REV3L: variants seen among roughly 807,000 people sequenced by gnomAD.
REV3L encodes DNA polymerase zeta catalytic subunit.
Under a neutral mutation model 299.4 loss-of-function variants are expected in REV3L, and 69 were observed. The ratio of observed to expected loss-of-function variants is 0.23; its 90% CI spans 0.19 to 0.28. The LOEUF is 0.28. Ranked by LOEUF, REV3L falls within the 10% of genes least tolerant of loss-of-function variation. REV3L has a pLI of 1.00. For missense variants in REV3L, 3,128 were observed against 3,693.8 expected (o/e 0.85, Z 3.97); for synonymous variants, 1,238 against 1,271.4 (o/e 0.97, Z 0.56).
intron 18 of REV3L, among the ~76,000 whole-genome samples, chr6:111,352,097 C>G (rs575172983): frequency 6.6e-6 from 1 of 151,958 alleles, no homozygotes; most frequent in South Asian, 2.1e-4. Context: ...ACCTCTGCTT[C>G]CCAGGTTCAA....
intron 10 of REV3L, among the ~76,000 whole-genome samples, chr6:111,380,856 G>A (rs1164019754): frequency 6.6e-6 from 1 of 152,226 alleles, no homozygotes; most frequent in East Asian, 1.9e-4. Flanking sequence ...GGCAGTGGCT[G>A]CAGGAAGCCT....
chr6:111,319,022 A>G (rs1651324425), intron 26 of REV3L, among the ~76,000 whole-genome samples: 1 of 152,200 alleles, frequency 6.6e-6, no homozygotes, highest in South Asian at 2.1e-4. Flanking sequence ...TTAGGGTGAT[A>G]AAAAGTGTTC....
At chr6:111,384,002 A>G (rs1781086618) in intron 9 of REV3L, among the ~76,000 whole-genome samples, 1 of 152,206 alleles carries the variant, frequency 6.6e-6, no homozygotes, top group Non-Finnish European at 1.5e-5. Flanking sequence ...ACCTTGGGGG[A>G]AAGAACAATT....
intron 3 of REV3L, among the ~76,000 whole-genome samples, chr6:111,408,960 C>T (rs1157317019): frequency 2.0e-5 from 3 of 152,184 alleles, no homozygotes; most frequent in African/African-American, 7.2e-5. Flanking sequence ...GCTGGAATTA[C>T]AAGTGTGAGC....
In REV3L at chr6:111,375,883, G is replaced by A; in HGVS notation, c.2472C>T (p.Gly824=). The A allele has an allele frequency of 6.2e-7, 1 of 1,613,872 alleles. No homozygotes were observed. The highest frequency in any genetic ancestry group is 8.5e-7 in the Non-Finnish European group (1 of 1,179,876). The change falls in exon 13 of 32, where the codon GGC becomes GGT. Residue 824 remains glycine, a synonymous_variant. Transcript: ENST00000368802. ...TCAATTTTAACCGGGATGGTTTATT[G>A]CCAGGTTGTAATTTATATGTGACAG... The part of the protein sequence containing the change: ...LSPVTYKLQP[G]NKPSRLKLNK...
intron 1 of REV3L, among the ~76,000 whole-genome samples, chr6:111,464,651 AACT>A (rs1424535216): frequency 6.6e-6 from 1 of 152,180 alleles, no homozygotes; most frequent in African/African-American, 2.4e-5. Context: ...CAATTTAAAA[AACT>A]ACATTTTGGT....
intron 1 of REV3L, among the ~76,000 whole-genome samples, chr6:111,437,954 G>A (rs1172774445): frequency 2.0e-5 from 3 of 152,048 alleles, no homozygotes; most frequent in Non-Finnish European, 4.4e-5. Flanking sequence ...CCTGGCTCTA[G>A]TGATCTTCCT....
chr6:111,376,721 G>T lies in REV3L; in HGVS notation c.1634C>A (p.Ser545Tyr), dbSNP rs1582756590. 1.3e-6 allele frequency: 2 copies of T among 1,598,508 alleles called. No homozygotes were observed. The highest frequency in any genetic ancestry group is 1.7e-6 in the Non-Finnish European group (2 of 1,178,180). Residue 545 changes from serine to tyrosine, a missense_variant, in exon 13 of 32, where the codon TCT (serine) becomes TAT (tyrosine). Coordinates refer to ENST00000368802, the MANE Select transcript of REV3L (RefSeq NM_001372078.1). ...PLNNENSRTH[S>Y]SVIATSKLSV... ...AAGCTTGCTTGTTGCAATTACAGAA[G>T]AGTGGGTTCTAGAATTTTCATTGTT...
chr6:111,436,119 A>C (rs1787518594), intron 1 of REV3L, among the ~76,000 whole-genome samples: 1 of 152,216 alleles, frequency 6.6e-6, no homozygotes, highest in Admixed American at 6.5e-5. Context: ...ATCTCACCCC[A>C]GTTAGAATGG....
chr6:111,439,561 G>A (rs4580915), intron 1 of REV3L, among the ~76,000 whole-genome samples: 8,533 of 152,262 alleles, frequency 0.056, 278 homozygotes, highest in Middle Eastern at 0.085. Context: ...CTACATAAGT[G>A]GGTGCCTCAT....
intron 1 of REV3L, among the ~76,000 whole-genome samples, chr6:111,438,791 G>C (rs1182892246): frequency 6.6e-6 from 1 of 152,080 alleles, no homozygotes; most frequent in African/African-American, 2.4e-5. Flanking sequence ...TGATCTCACG[G>C]GGTCCTGAAT....
At chr6:111,354,546 G>A (rs1280877534) in intron 18 of REV3L, among the ~76,000 whole-genome samples, 2 of 151,974 alleles carry the variant, frequency 1.3e-5, no homozygotes, top group African/African-American at 2.4e-5. Context: ...TTTTTGACCC[G>A]GAGGATGTTT....
intron 1 of REV3L, among the ~76,000 whole-genome samples, chr6:111,440,348 C>T (rs371556675): frequency 6.6e-6 from 1 of 152,166 alleles, no homozygotes; most frequent in African/African-American, 2.4e-5. Context: ...GGATTACAGG[C>T]GTGAGCCACC....
chr6:111,336,605 T>A (rs189610509), intron 21 of REV3L, among the ~76,000 whole-genome samples: 1 of 152,258 alleles, frequency 6.6e-6, no homozygotes, highest in Non-Finnish European at 1.5e-5. Context: ...CTTGGGAAGA[T>A]AATTTGGCAG....
At chr6:111,465,189 T>C (rs1021103232) in intron 1 of REV3L, among the ~76,000 whole-genome samples, 3 of 149,682 alleles carry the variant, frequency 2.0e-5, no homozygotes, top group African/African-American at 7.3e-5. Context: ...CAAGTGATTC[T>C]CCTGGCTCAG....
At position 111,372,976 on chromosome 6, in the gene REV3L, T is replaced by G; in HGVS notation, c.5379A>C (p.Pro1793=). The G allele has an allele frequency of 1.2e-6, 2 of 1,614,180 alleles. No homozygotes were observed. The highest frequency in any genetic ancestry group is 1.7e-6 in the Non-Finnish European group (2 of 1,180,016). ...GACCTTGAATCCAGTCTGAATTGTT[T>G]GGCTGTGGGAGGCTAAGAAACACTT... is the stretch of plus-strand genomic sequence containing the variant. ...SKEVFLSLPQ[P]NNSDWIQGHT... The change falls in exon 13 of 32, where the codon CCA becomes CCC. Residue 1793 remains proline, a synonymous_variant. Coordinates refer to ENST00000368802, the MANE Select transcript of REV3L (RefSeq NM_001372078.1).
Position 111,446,439 on chromosome 6 carries a change from C to T in REV3L, c.140-29967G>A, listed in dbSNP as rs17539211. Among the ~76,000 whole-genome samples, 457 of 152,248 alleles carry T rather than the reference C, an allele frequency of 3.0e-3. 24 individuals are homozygous for T. The East Asian group carries it at 0.085, about 28-fold the overall frequency. ...AATCAGCTGGGCACGGTGGCTGGCT[C>T]ACGCTTACAATCCCAGCGCTTTGGG... On this transcript the variant is annotated intron_variant, in intron 1 of 31. Coordinates refer to ENST00000368802, the MANE Select transcript of REV3L (RefSeq NM_001372078.1).
At chr6:111,322,527 A>T in intron 26 of REV3L, 42 bp downstream of exon 26, 1 of 1,397,442 alleles carries the variant, frequency 7.2e-7, no homozygotes, top group African/African-American at 1.4e-5. Flanking sequence ...ATGAAGATCT[A>T]GAGAGATGCA....
chr6:111,471,004 A>AT (rs1414346391), intron 1 of REV3L, among the ~76,000 whole-genome samples: 1 of 152,156 alleles, frequency 6.6e-6, no homozygotes, highest in East Asian at 1.9e-4. Flanking sequence ...ATAAAAATAA[A>AT]TAAGTAAAAG....
Sources: gnomAD v4.1 joint callset for allele counts (sites outside exome capture counted in the v4.1 genomes callset) on GRCh38, gnomAD v4.1.1 for gene constraint, MANE v1.5 for transcripts, NCBI Gene and HGNC (gene_info 2026-07-23, HGNC 2026-07-21) for gene names.